The following TMEM117 variants were observed in gnomAD, a reference collection of about 807,000 sequenced individuals.
TMEM117 encodes transmembrane protein 117.
A neutral mutation model predicts 52.4 loss-of-function variants in TMEM117; 27 were observed. That is an observed-to-expected ratio of 0.51 (90% CI 0.38 to 0.71). The LOEUF (loss-of-function observed/expected upper bound fraction) is 0.71, where lower values mean the gene tolerates loss of function less well. Ranked by LOEUF, TMEM117 falls within the 30% of genes least tolerant of loss-of-function variation. TMEM117 has a pLI of 0.00. For synonymous variants in TMEM117, 215 were observed against 206.3 expected (o/e 1.04, Z -0.36); for missense variants, 556 against 630.5 (o/e 0.88, Z 1.26).
At chr12:43,845,341 AT>A (rs1943184854) in intron 2 of TMEM117, among the ~76,000 whole-genome samples, 1 of 151,662 alleles carries the variant, frequency 6.6e-6, no homozygotes, top group Non-Finnish European at 1.5e-5. Context: ...CATGTTTGTA[AT>A]CCCAGCTACT....
chr12:43,861,569 C>A (rs768010771), intron 2 of TMEM117, among the ~76,000 whole-genome samples: 5 of 152,150 alleles, frequency 3.3e-5, no homozygotes, highest in Non-Finnish European at 7.3e-5. Context: ...GATGACAGAT[C>A]AAATTGAATA....
At chr12:44,158,565 T>C (rs1320847144) in intron 4 of TMEM117, among the ~76,000 whole-genome samples, 1 of 152,206 alleles carries the variant, frequency 6.6e-6, no homozygotes, top group African/African-American at 2.4e-5. Flanking sequence ...AGTATTCTTT[T>C]CAGCTGAGAG....
intron 3 of TMEM117, among the ~76,000 whole-genome samples, chr12:44,052,788 T>C (rs548124356): frequency 6.6e-6 from 1 of 152,316 alleles, no homozygotes; most frequent in East Asian, 1.9e-4. Flanking sequence ...CTTGGCAATG[T>C]TGTCAGAGCA....
At chr12:43,817,316 T>C in the TMEM117 span, among the ~76,000 whole-genome samples, 4 of 152,192 alleles carry the variant, frequency 2.6e-5, no homozygotes, top group African/African-American at 9.7e-5. Flanking sequence ...TTTGAAAACA[T>C]AGTGATTGAA....
chr12:44,287,727 T>C (rs1475537628), intron 5 of TMEM117, among the ~76,000 whole-genome samples: 1 of 152,242 alleles, frequency 6.6e-6, no homozygotes, highest in African/African-American at 2.4e-5. Flanking sequence ...GCAGTGCTTA[T>C]GACAAAAACT....
chr12:44,128,859 T>C (rs1036320205), intron 3 of TMEM117, among the ~76,000 whole-genome samples: 3 of 152,196 alleles, frequency 2.0e-5, no homozygotes, highest in African/African-American at 7.2e-5. Context: ...AATTAATGTC[T>C]TGAAGTCTTA....
chr12:43,885,968 A>G (rs1351678255), intron 2 of TMEM117, among the ~76,000 whole-genome samples: 1 of 152,198 alleles, frequency 6.6e-6, no homozygotes, highest in African/African-American at 2.4e-5. Context: ...ATTACAACTA[A>G]TGAGGTATTT....
intron 2 of TMEM117, among the ~76,000 whole-genome samples, chr12:43,925,001 G>T (rs181317239): frequency 6.6e-6 from 1 of 152,248 alleles, no homozygotes; most frequent in Admixed American, 6.5e-5. Flanking sequence ...TGGATGGCAG[G>T]TTGGTGCTAG....
intron 4 of TMEM117, among the ~76,000 whole-genome samples, chr12:44,207,863 G>A (rs775790290): frequency 1.4e-4 from 21 of 151,662 alleles, no homozygotes; most frequent in Non-Finnish European, 2.6e-4. Context: ...GGCTGGCTCT[G>A]GAAATAGTGC....
intron 2 of TMEM117, among the ~76,000 whole-genome samples, chr12:43,845,525 A>T (rs1196317022): frequency 6.7e-6 from 1 of 149,506 alleles, no homozygotes; most frequent in Non-Finnish European, 1.5e-5. Flanking sequence ...GTCATTTTTT[A>T]AAAACTTTTT....
intron 3 of TMEM117, among the ~76,000 whole-genome samples, chr12:44,015,080 G>C (rs1042356581): frequency 3.9e-5 from 6 of 151,976 alleles, no homozygotes; most frequent in Admixed American, 6.6e-5. Flanking sequence ...TCAGAGATTT[G>C]AGACACAGAT....
At chr12:44,319,949 T>G (rs1951109369) in intron 6 of TMEM117, among the ~76,000 whole-genome samples, 2 of 152,198 alleles carry the variant, frequency 1.3e-5, no homozygotes, top group African/African-American at 4.8e-5. Flanking sequence ...CCAAGTTATT[T>G]TTTAAGGCAG....
At chr12:44,296,487 T>C (rs1254565969) in intron 5 of TMEM117, among the ~76,000 whole-genome samples, 1 of 152,186 alleles carries the variant, frequency 6.6e-6, no homozygotes, top group African/African-American at 2.4e-5. Flanking sequence ...ACAGGTCTAC[T>C]TCAGGATCTA....
At chr12:44,131,797 CT>C (rs1948417796) in intron 3 of TMEM117, among the ~76,000 whole-genome samples, 1 of 152,008 alleles carries the variant, frequency 6.6e-6, no homozygotes. Context: ...TGCATGTTAT[CT>C]TTTCCCACTA....
At chr12:43,973,208 G>T (rs1460534569) in intron 3 of TMEM117, among the ~76,000 whole-genome samples, 1 of 152,026 alleles carries the variant, frequency 6.6e-6, no homozygotes, top group East Asian at 1.9e-4. Context: ...CACCTCCTTT[G>T]TTTTTCCCAA....
downstream of TMEM117, among the ~76,000 whole-genome samples, chr12:44,393,647 C>G (rs1243521604): frequency 6.6e-6 from 1 of 151,920 alleles, no homozygotes; most frequent in Non-Finnish European, 1.5e-5. Flanking sequence ...GTATCTGTAT[C>G]AAATGGGATC....
intron 3 of TMEM117, among the ~76,000 whole-genome samples, chr12:44,064,687 T>C (rs1444858408): frequency 6.6e-6 from 1 of 152,208 alleles, no homozygotes; most frequent in East Asian, 1.9e-4. Flanking sequence ...TAAATTTTTG[T>C]TTCTATCCTT....
chr12:43,979,782 C>T (rs1490225876), intron 3 of TMEM117, among the ~76,000 whole-genome samples: 3 of 152,076 alleles, frequency 2.0e-5, no homozygotes, highest in Non-Finnish European at 2.9e-5. Flanking sequence ...TAAATTGCTC[C>T]TCAACTAATT....
chr12:44,197,172 G>A (rs1010092615), intron 4 of TMEM117, among the ~76,000 whole-genome samples: 25 of 152,284 alleles, frequency 1.6e-4, no homozygotes, highest in African/African-American at 5.8e-4. Flanking sequence ...TCTTTAAGAT[G>A]AGATTTATTT....
Sources: allele counts gnomAD v4.1 joint callset (sites outside exome capture counted in the v4.1 genomes callset), GRCh38; gene constraint gnomAD v4.1.1; transcripts MANE v1.5; gene names NCBI Gene and HGNC (gene_info 2026-07-23, HGNC 2026-07-21).